The following RPS6KA2 variants were observed in gnomAD, a reference collection of about 807,000 sequenced individuals.
RPS6KA2 encodes ribosomal protein S6 kinase A2, also known as ribosomal protein S6 kinase alpha-2.
A neutral mutation model predicts 91.8 loss-of-function variants in RPS6KA2; 42 were observed. The observed-to-expected ratio is 0.46, with a 90% CI of 0.36 to 0.59. RPS6KA2 has a LOEUF of 0.59. Ranked by LOEUF, RPS6KA2 falls within the 20% of genes least tolerant of loss-of-function variation. The pLI is 0.00. For synonymous variants in RPS6KA2, 414 were observed against 393.6 expected, an observed-to-expected ratio of 1.05 and a Z score of -0.61; for missense variants, 798 against 978.5, an observed-to-expected ratio of 0.82 and a Z score of 2.46.
chr6:166,485,849 G>A (rs1781390046), intron 10 of RPS6KA2, among the ~76,000 whole-genome samples: 1 of 152,212 alleles, frequency 6.6e-6, no homozygotes, highest in Non-Finnish European at 1.5e-5. Flanking sequence ...CTGTCCCTCT[G>A]TCCAAGGCTG....
intron 2 of RPS6KA2, among the ~76,000 whole-genome samples, chr6:166,745,987 C>T (rs1351167458): frequency 6.6e-6 from 1 of 152,230 alleles, no homozygotes; most frequent in East Asian, 1.9e-4. Flanking sequence ...GAACATCACT[C>T]GCTCACATCT....
Position 166,475,086 on chromosome 6 carries a change from G to A in RPS6KA2, c.908-5181C>T, listed in dbSNP as rs528180382. Among the ~76,000 whole-genome samples the A allele has an allele frequency of 3.4e-4, 51 of 152,220 alleles. No individual in the cohort carries two copies. The South Asian group carries it at 8.5e-3, about 25-fold the overall frequency. Reference sequence around the variant, plus strand: ...CCTCCACCTGGGAGGCGTTTTCCTCGCACAGACAAGAAAGCAGACAGCCTG... The same window carrying A: ...CCTCCACCTGGGAGGCGTTTTCCTCACACAGACAAGAAAGCAGACAGCCTG... On this transcript the variant is annotated intron_variant, in intron 10 of 20. Coordinates refer to ENST00000265678, the MANE Select transcript of RPS6KA2 (RefSeq NM_021135.6).
intron 13 of RPS6KA2, among the ~76,000 whole-genome samples, chr6:166,450,877 G>C (rs1226218836): frequency 6.6e-6 from 1 of 152,054 alleles, no homozygotes; most frequent in Non-Finnish European, 1.5e-5. Flanking sequence ...ACCACATGAA[G>C]GAGCACCACG....
chr6:166,573,643 C>T (rs1340774461), intron 1 of RPS6KA2, among the ~76,000 whole-genome samples: 1 of 152,226 alleles, frequency 6.6e-6, no homozygotes, highest in Non-Finnish European at 1.5e-5. Context: ...TGGCTCCGGC[C>T]TCACCGGCCT....
At chr6:166,769,218 T>C (rs565889588) in intron 2 of RPS6KA2, among the ~76,000 whole-genome samples, 1 of 152,170 alleles carries the variant, frequency 6.6e-6, no homozygotes, top group Non-Finnish European at 1.5e-5. Flanking sequence ...TTATTTGGAG[T>C]GCCCAGGCTA....
chr6:166,465,297 G>A (rs1300363179), intron 11 of RPS6KA2: 3 of 152,176 alleles, frequency 2.0e-5, no homozygotes, highest in Non-Finnish European at 4.4e-5. Context: ...AATACATCAC[G>A]GAGTAAAATT....
chr6:166,722,849 C>T (rs1790218755), intron 2 of RPS6KA2, among the ~76,000 whole-genome samples: 1 of 152,210 alleles, frequency 6.6e-6, no homozygotes, highest in South Asian at 2.1e-4. Flanking sequence ...CATTTTCAGC[C>T]CATTCCTCTC....
intron 12 of RPS6KA2, among the ~76,000 whole-genome samples, chr6:166,457,720 C>T (rs112356465): frequency 2.9e-4 from 44 of 152,196 alleles, no homozygotes; most frequent in African/African-American, 9.2e-4. Flanking sequence ...CTAAAAGCCC[C>T]GCAACCCTCC....
chr6:166,679,730 G>T (rs1288392247), intron 2 of RPS6KA2, among the ~76,000 whole-genome samples: 1 of 152,222 alleles, frequency 6.6e-6, no homozygotes, highest in Non-Finnish European at 1.5e-5. Context: ...GGCCGGAGCC[G>T]GCTCTCTCTG....
chr6:166,429,288 G>C (rs1157361583), intron 16 of RPS6KA2, among the ~76,000 whole-genome samples: 122 of 125,422 alleles, frequency 9.7e-4, no homozygotes, highest in Middle Eastern at 4.0e-3. Flanking sequence ...GACTGTTGTG[G>C]GGTGGGGGGA....
rs1364806227 is a variant in RPS6KA2, at chr6:166,554,146, A to C, written c.100-15362T>G. On this transcript the variant is annotated intron_variant, in intron 1 of 20. Coordinates refer to ENST00000265678, the MANE Select transcript of RPS6KA2 (RefSeq NM_021135.6). This position sits in a 1 kb window ranked among gnomAD's most constrained non-coding sequence, Gnocchi z 4.3. ...CTGCCATCACTGAAGCAACTGATGC[A>C]GTTCGTAAGTTCAGCTTTCTGCTAC... 6.6e-6 allele frequency among the ~76,000 whole-genome samples: 1 copy of C among 152,228 alleles called. No individual in the cohort carries two copies. The highest frequency in any genetic ancestry group is 1.9e-4 in the East Asian group (1 of 5,198).
chr6:166,789,976 C>CAG (rs1433062752), intron 2 of RPS6KA2, among the ~76,000 whole-genome samples: 3 of 152,232 alleles, frequency 2.0e-5, no homozygotes, highest in Admixed American at 6.5e-5. Context: ...CAAAGGAATG[C>CAG]AGCTCCTCAC....
At chr6:166,682,993 A>G (rs935084310) in intron 2 of RPS6KA2, among the ~76,000 whole-genome samples, 2 of 152,204 alleles carry the variant, frequency 1.3e-5, no homozygotes, top group South Asian at 2.1e-4. Context: ...AAGAAATGCA[A>G]CGAGAAACTA....
rs73255159 is a variant in RPS6KA2, at chr6:166,533,488, C to T, written c.217-2175G>A. Among the ~76,000 whole-genome samples the T allele has an allele frequency of 0.051, 7,791 of 152,336 alleles. 664 individuals are homozygous for T. The highest frequency in any genetic ancestry group is 0.18 in the African/African-American group (7,387 of 41,560). ...TGTTTGTGGCAGGGACGCCACATTTCCCCGGCATCCTGCAGGTAAGTTGGG... is the reference window on the plus strand; with the variant it reads ...TGTTTGTGGCAGGGACGCCACATTTTCCCGGCATCCTGCAGGTAAGTTGGG... On this transcript the variant is annotated intron_variant, in intron 2 of 20. Coordinates refer to ENST00000265678, the MANE Select transcript of RPS6KA2 (RefSeq NM_021135.6). This position sits in a 1 kb window ranked among gnomAD's most constrained non-coding sequence, Gnocchi z 4.0.
intron 1 of RPS6KA2, among the ~76,000 whole-genome samples, chr6:166,596,835 G>T (rs925409542): frequency 1.3e-5 from 2 of 152,156 alleles, no homozygotes; most frequent in African/African-American, 4.8e-5. Context: ...CCTGAATATG[G>T]GAGACAAACA....
chr6:166,438,041 A>C (rs1025846721), intron 14 of RPS6KA2, among the ~76,000 whole-genome samples: 3 of 152,178 alleles, frequency 2.0e-5, no homozygotes, highest in Admixed American at 2.0e-4. Flanking sequence ...TAGGCAGGCC[A>C]TTTCCCTTGA....
chr6:166,693,555 T>C (rs2128572132), intron 2 of RPS6KA2, among the ~76,000 whole-genome samples: 1 of 152,306 alleles, frequency 6.6e-6, no homozygotes, highest in South Asian at 2.1e-4. Flanking sequence ...AGCCAGGATC[T>C]CTCGCCTGGT....
chr6:166,542,908 G>C (rs1783706973), intron 1 of RPS6KA2, among the ~76,000 whole-genome samples: 3 of 152,176 alleles, frequency 2.0e-5, no homozygotes, highest in Admixed American at 2.0e-4. Context: ...AAATAGGCAA[G>C]GGTTCACCTC....
chr6:166,653,997 A>T (rs1400828015), intron 2 of RPS6KA2, among the ~76,000 whole-genome samples: 1 of 152,216 alleles, frequency 6.6e-6, no homozygotes, highest in East Asian at 1.9e-4. Context: ...ACTGAGCAGA[A>T]CTCCCCAAAG....
Sources: allele counts gnomAD v4.1 joint callset (sites outside exome capture counted in the v4.1 genomes callset), GRCh38; gene constraint gnomAD v4.1.1; non-coding constraint Gnocchi (gnomAD v3.1); transcripts MANE v1.5; gene names NCBI Gene and HGNC (gene_info 2026-07-23, HGNC 2026-07-21).